The following PRKCQ variants were observed in gnomAD, a reference collection of about 807,000 sequenced individuals.
The protein encoded by PRKCQ is protein kinase C theta.
Under a neutral mutation model 91.2 loss-of-function variants are expected in PRKCQ, and 41 were observed. The observed-to-expected ratio is 0.45, with a 90% CI of 0.35 to 0.58. The LOEUF is 0.58. Among genes scored for constraint, PRKCQ ranks in the 20% least tolerant of loss-of-function variants. The pLI, the probability that PRKCQ is intolerant of heterozygous loss-of-function variation, is 0.00. For synonymous variants in PRKCQ, 307 were observed against 316.9 expected, an observed-to-expected ratio of 0.97 and a Z score of 0.33; for missense variants, 673 against 896.5, an observed-to-expected ratio of 0.75 and a Z score of 3.18.
chr10:6,566,732 A>C (rs777131563), intron 1 of PRKCQ, among the ~76,000 whole-genome samples: 15 of 152,048 alleles, frequency 9.9e-5, no homozygotes, highest in Non-Finnish European at 1.6e-4. Flanking sequence ...AGATGGAGAG[A>C]ACTCAGGAGG....
At chr10:6,580,465 G>C (rs1047687642), upstream of PRKCQ, 1 of 152,018 alleles carries the variant, frequency 6.6e-6, no homozygotes, top group Non-Finnish European at 1.5e-5. Flanking sequence ...TGCGCCCCCG[G>C]TCCCGCGCCC....
At chr10:6,503,727 T>G (rs1430752355) in intron 4 of PRKCQ, among the ~76,000 whole-genome samples, 2 of 152,212 alleles carry the variant, frequency 1.3e-5, no homozygotes, top group Non-Finnish European at 2.9e-5. Context: ...TTTTAAGAGA[T>G]ATTCTCAACA....
At chr10:6,401,647 G>A in the PRKCQ span, among the ~76,000 whole-genome samples, 1 of 152,208 alleles carries the variant, frequency 6.6e-6, no homozygotes, top group South Asian at 2.1e-4. Flanking sequence ...GGATTGCGGG[G>A]CCAGGGCACT....
chr10:6,446,165 T>C (rs1379302096), intron 15 of PRKCQ, among the ~76,000 whole-genome samples: 1 of 152,124 alleles, frequency 6.6e-6, no homozygotes, highest in Non-Finnish European at 1.5e-5. Flanking sequence ...CTAGGCACAG[T>C]TATCCCTCTC....
chr10:6,565,752 C>A (rs1240562667), intron 1 of PRKCQ, among the ~76,000 whole-genome samples: 1 of 152,154 alleles, frequency 6.6e-6, no homozygotes, highest in Non-Finnish European at 1.5e-5. Context: ...ATTTCAGCTG[C>A]CTCTGCTTCA....
chr10:6,445,128 A>ATC, intron 15 of PRKCQ, among the ~76,000 whole-genome samples: 5 of 76,722 alleles, frequency 6.5e-5, no homozygotes, highest in South Asian at 4.3e-4. Context: ...TGTCAAAAAA[A>ATC]AAAAAAAAAA....
intron 1 of PRKCQ, among the ~76,000 whole-genome samples, chr10:6,547,695 C>T (rs1462862243): frequency 6.6e-6 from 1 of 151,368 alleles, no homozygotes; most frequent in Non-Finnish European, 1.5e-5. Flanking sequence ...AAAGCTGAAA[C>T]TGGATCCCTT....
intron 7 of PRKCQ, among the ~76,000 whole-genome samples, chr10:6,495,869 G>A (rs1379283184): frequency 6.6e-6 from 1 of 152,110 alleles, no homozygotes; most frequent in Non-Finnish European, 1.5e-5. Flanking sequence ...TTCGGATGGT[G>A]GGTTCACTAG....
chr10:6,544,440 T>C (rs1310359353), intron 1 of PRKCQ, among the ~76,000 whole-genome samples: 2 of 152,160 alleles, frequency 1.3e-5, no homozygotes, highest in Non-Finnish European at 2.9e-5. Context: ...GGAGAGACAC[T>C]GTAATTAACT....
chr10:6,573,224 A>C (rs1418382127), intron 1 of PRKCQ, among the ~76,000 whole-genome samples: 1 of 152,204 alleles, frequency 6.6e-6, no homozygotes, highest in African/African-American at 2.4e-5. Flanking sequence ...ACTGTGTAGA[A>C]GGCCTGCTTT....
intron 2 of PRKCQ, among the ~76,000 whole-genome samples, chr10:6,512,599 A>C (rs996096199): frequency 1.3e-5 from 2 of 152,258 alleles, no homozygotes; most frequent in African/African-American, 4.8e-5. Context: ...ATTAAGTGGC[A>C]GATTTAGCAA....
chr10:6,531,166 G>A lies in PRKCQ; in HGVS notation c.-9-16022C>T, dbSNP rs544403481. Among the ~76,000 whole-genome samples the A allele has an allele frequency of 6.6e-5, 10 of 152,118 alleles. No homozygotes were observed. In the East Asian group the frequency reaches 1.9e-3, roughly 29 times the overall value. ...GAGCTGCTGGGTGAGAAGCTCTGGG[G>A]TGAGGATGGAGCTTTAGCAAGGCCG... On this transcript the variant is annotated intron_variant, in intron 1 of 17. Transcript: ENST00000263125.
chr10:6,414,230 C>A, the PRKCQ span, among the ~76,000 whole-genome samples: 9 of 152,286 alleles, frequency 5.9e-5, no homozygotes, highest in Admixed American at 5.9e-4. Context: ...TGCAGGAGAT[C>A]TTAAGCAGTG....
chr10:6,454,074 TAATA>T (rs775968807), intron 15 of PRKCQ, among the ~76,000 whole-genome samples: 11 of 152,126 alleles, frequency 7.2e-5, no homozygotes, highest in South Asian at 2.1e-4. Flanking sequence ...AGTATAATAA[TAATA>T]AATAAATTAA....
intron 1 of PRKCQ, among the ~76,000 whole-genome samples, chr10:6,520,861 T>C (rs1838975589): frequency 6.6e-6 from 1 of 152,184 alleles, no homozygotes; most frequent in Admixed American, 6.5e-5. Flanking sequence ...TGTCGCCTAC[T>C]TGATTCTTGA....
At chr10:6,404,415 CT>C in the PRKCQ span, among the ~76,000 whole-genome samples, 1 of 149,328 alleles carries the variant, frequency 6.7e-6, no homozygotes, top group African/African-American at 2.5e-5. Flanking sequence ...TTCTTTCTTT[CT>C]TTTTTCTCTT....
At chr10:6,472,939 C>T (rs894109212) in intron 12 of PRKCQ, among the ~76,000 whole-genome samples, 3 of 152,206 alleles carry the variant, frequency 2.0e-5, no homozygotes, top group African/African-American at 4.8e-5. Flanking sequence ...TCTCAAACTC[C>T]TGACCCCAAG....
chr10:6,483,546 T>C lies in PRKCQ; in HGVS notation c.1073A>G (p.His358Arg), dbSNP rs759262968. ...TTTGTTCAGTTCAGGTTCTGGAAGA[T>C]GGCACATTTTATCCACCTCATCCAA... Reference protein sequence around the residue: ...SPLDEVDKMCHLPEPELNKER... With the variant: ...SPLDEVDKMCRLPEPELNKER... The change falls in exon 11 of 18, where the codon CAT (histidine) becomes CGT (arginine). Residue 358 changes from histidine (H) to arginine (R), a missense_variant. By Grantham distance (29) the His-to-Arg change is conservative. Coordinates refer to ENST00000263125, the MANE Select transcript of PRKCQ (RefSeq NM_006257.5). The C allele has an allele frequency of 5.6e-6, 9 of 1,614,256 alleles. No individual in the cohort carries two copies. The East Asian group carries it at 1.6e-4, about 28-fold the overall frequency.
At chr10:6,481,798 T>C (rs1836610866) in intron 11 of PRKCQ, among the ~76,000 whole-genome samples, 1 of 152,190 alleles carries the variant, frequency 6.6e-6, no homozygotes, top group Admixed American at 6.5e-5. Context: ...GATTAAAATT[T>C]TCCTGGGAGT....
Sources: allele counts gnomAD v4.1 joint callset (sites outside exome capture counted in the v4.1 genomes callset), GRCh38; gene constraint gnomAD v4.1.1; transcripts MANE v1.5; gene names NCBI Gene and HGNC (gene_info 2026-07-23, HGNC 2026-07-21).